Variants in TTLL12 observed in about 807,000 individuals in gnomAD.
The protein encoded by TTLL12 is tubulin--tyrosine ligase-like protein 12.
Under a neutral mutation model 79.6 loss-of-function variants are expected in TTLL12, and 77 were observed. The observed-to-expected ratio is 0.97, with a 90% CI of 0.81 to 1.17. The LOEUF (loss-of-function observed/expected upper bound fraction) is 1.17, where lower values mean the gene tolerates loss of function less well. Among genes scored for constraint, TTLL12 ranks in the 50% most tolerant of loss-of-function variants. The pLI, the probability that TTLL12 is intolerant of heterozygous loss-of-function variation, is 0.00. For missense variants in TTLL12, 969 were observed against 895.9 expected (o/e 1.08, Z -1.04); for synonymous variants, 437 against 376.1 (o/e 1.16, Z -1.87).
chr22:43,167,913 G>T lies in TTLL12; in HGVS notation c.*95C>A. 1 of 1,482,352 alleles carries T rather than the reference G, an allele frequency of 6.7e-7. No homozygotes were observed. 91.8% of individuals were successfully genotyped at this position (1,482,352 alleles called of 1,614,324 possible). ...TGGGGCTGAGGCTATGCCCAGGGCC[G>T]GTGTGGGGAGGGACATGGGGGCCTT... On this transcript the variant is annotated 3_prime_UTR_variant, in exon 14 of 14. Transcript: ENST00000216129.
At chr22:43,186,830 G>A in intron 1 of TTLL12, 63 bp downstream of exon 1, 2 of 1,227,080 alleles carry the variant, frequency 1.6e-6, no homozygotes, top group Admixed American at 4.4e-5. Flanking sequence ...CCTGTCCCGC[G>A]CCGCGGGCTC....
chr22:43,186,189 A>AAC (rs796737951), intron 1 of TTLL12, among the ~76,000 whole-genome samples: 1 of 82,140 alleles, frequency 1.2e-5, no homozygotes. Flanking sequence ...TAAAGAAAAC[A>AAC]CCCCCCCCCC....
At position 43,168,153 on chromosome 22, in the gene TTLL12, C is replaced by A; in HGVS notation, c.1790G>T (p.Arg597Leu). 6.2e-7 allele frequency: 1 copy of A among 1,614,008 alleles called. No homozygotes were observed. The highest frequency in any genetic ancestry group is 8.5e-7 in the Non-Finnish European group (1 of 1,179,936). Residue 597 changes from arginine to leucine, a missense_variant, in exon 14 of 14, where the codon CGG (arginine) becomes CTG (leucine). Physicochemically the swap from Arg to Leu is moderately radical, Grantham distance 102. Transcript: ENST00000216129. ...CTCCAGGATCTGCGGCTGCATCACCCGCCTTCCTGATGGCAAAGAGCGCAG... is the reference window on the plus strand; with the variant it reads ...CTCCAGGATCTGCGGCTGCATCACCAGCCTTCCTGATGGCAAAGAGCGCAG... ...LKWDNGPDGR[R>L]VMQPQILEVN...
Position 43,176,322 on chromosome 22 carries a change from G to C in TTLL12, c.915C>G (p.Phe305Leu). 1 of 1,593,434 alleles carries C rather than the reference G, an allele frequency of 6.3e-7. No homozygotes were observed. The highest frequency in any genetic ancestry group is 8.5e-7 in the Non-Finnish European group (1 of 1,170,568). The stretch of plus-strand genomic sequence containing the variant: ...AGCAGTGGGGGGGGGCTACGCACTT[G>C]AAGATGTGGCCGTGGGGGTGCACCA... The part of the protein sequence containing the change: ...NPVVHPHGHI[F>L]KVYTDVQQVA... Residue 305 changes from phenylalanine (F) to leucine (L), a missense_variant and splice_region_variant, in exon 6 of 14, where the codon TTC (phenylalanine) becomes TTG (leucine). Transcript: ENST00000216129.
rs776542606 is a variant in TTLL12 at position 43,174,550 on chromosome 22, C to T, written c.983G>A (p.Ser328Asn). The change falls in exon 7 of 14, where the codon AGT becomes AAT. Residue 328 changes from serine (S) to asparagine (N), a missense_variant. Coordinates refer to ENST00000216129, the MANE Select transcript of TTLL12 (RefSeq NM_015140.4). ...LTHPRFTLTQ[S>N]EADADILFNF... is the part of the protein sequence containing the mutation. ...GAAGAGGATGTCGGCGTCCGCCTCA[C>T]TCTGGGTGAGGGTGAAGCGCGGGTG... 4 of 1,613,496 alleles carry T rather than the reference C, an allele frequency of 2.5e-6. No homozygotes were observed. Among genetic ancestry groups the T allele is most frequent in the African/African-American group, 1.3e-5 (1 of 74,946 alleles).
Position 43,173,719 on chromosome 22 carries a change from G to C in TTLL12, c.1337C>G (p.Pro446Arg), listed in dbSNP as rs773231320. 1.2e-6 allele frequency: 2 copies of C among 1,601,406 alleles called. No individual in the cohort carries two copies. The highest frequency in any genetic ancestry group is 1.3e-5 in the African/African-American group (1 of 74,880). ...HSIIRHREST[P>R]KVVSKYIESP... ...CTCCTGGTCTGCGGGGCCCACCTTG[G>C]GGGTGCTCTCTCGGTGCCGGATGAT... The change falls in exon 9 of 14, where the codon CCC becomes CGC. Residue 446 changes from proline (P) to arginine (R), a missense_variant. Transcript: ENST00000216129.
At chr22:43,183,938 G>A (rs946060687) in intron 1 of TTLL12, among the ~76,000 whole-genome samples, 3 of 152,240 alleles carry the variant, frequency 2.0e-5, no homozygotes, top group East Asian at 1.9e-4. Context: ...TATCCCATGC[G>A]TGTTTCCTCA....
intron 3 of TTLL12, among the ~76,000 whole-genome samples, chr22:43,180,294 G>T (rs764961013): frequency 6.6e-6 from 1 of 152,134 alleles, no homozygotes; most frequent in Non-Finnish European, 1.5e-5. Flanking sequence ...GAGGGTAATG[G>T]GGGGGTCGGG....
intron 3 of TTLL12, among the ~76,000 whole-genome samples, chr22:43,180,461 T>C (rs11704053): frequency 0.086 from 13,063 of 151,790 alleles, 630 homozygotes; most frequent in Non-Finnish European, 0.11. Context: ...GGGTGAGGAA[T>C]GGTTGAGGGC....
chr22:43,180,373 A>C (rs955400043), intron 3 of TTLL12, among the ~76,000 whole-genome samples: 2 of 152,170 alleles, frequency 1.3e-5, no homozygotes, highest in Admixed American at 1.3e-4. Flanking sequence ...CATGAGAAAC[A>C]AGCAGGTGTC....
Position 43,167,471 on chromosome 22 carries a change from C to T in TTLL12, c.*537G>A, listed in dbSNP as rs933626405. On this transcript the variant is annotated 3_prime_UTR_variant, in exon 14 of 14. Coordinates refer to ENST00000216129, the MANE Select transcript of TTLL12 (RefSeq NM_015140.4). ...CCTCAGGCTGTTCCTGGGCCCCTGT[C>T]GCATAGAGCCCTGTGGGTGCAGTGT... 8 of 264,624 alleles carry T rather than the reference C, an allele frequency of 3.0e-5. No individual in the cohort carries two copies. In the East Asian group the frequency reaches 3.4e-4, roughly 11 times the overall value. The allele number at this position is 264,624 out of a possible 1,614,324, so 16.4% of individuals were successfully genotyped here. A position where few individuals can be genotyped will look rare whatever the true frequency, so the allele number is the denominator to read the frequency against.
At position 43,180,838 on chromosome 22, in the gene TTLL12, G is replaced by A; in HGVS notation, c.450C>T (p.Gly150=). 3 of 1,613,022 alleles carry A rather than the reference G, an allele frequency of 1.9e-6. No homozygotes were observed. The highest frequency in any genetic ancestry group is 2.5e-6 in the Non-Finnish European group (3 of 1,179,980). ...TGGGCAGCTCACCGTGGAACTCAAT[G>A]CCCATCAGGTTGGCCATGCGGTGCA... ...GLLHRMANLM[G]IEFHGELPST... The change falls in exon 3 of 14, where the codon GGC becomes GGT. Residue 150 remains glycine, a synonymous_variant. Coordinates refer to ENST00000216129, the MANE Select transcript of TTLL12 (RefSeq NM_015140.4).
In TTLL12 at chr22:43,167,353, G is replaced by A. The variant is rs1165689609; in HGVS notation, c.*655C>T. Reference sequence around the variant, plus strand: ...AACGAAAAGGAAACGGTAACAAGACGGTGGCCTCCTGCCAGGACCTCAGCA... The same window carrying A: ...AACGAAAAGGAAACGGTAACAAGACAGTGGCCTCCTGCCAGGACCTCAGCA... On this transcript the variant is annotated 3_prime_UTR_variant, in exon 14 of 14. Coordinates refer to ENST00000216129, the MANE Select transcript of TTLL12 (RefSeq NM_015140.4). 3.0e-6 allele frequency: 1 copy of A among 331,878 alleles called. No homozygotes were observed. The highest frequency in any genetic ancestry group is 9.4e-5 in the East Asian group (1 of 10,642). 20.6% of individuals were successfully genotyped at this position (331,878 alleles called of 1,614,324 possible).
intron 11 of TTLL12, 185 bp downstream of exon 11, chr22:43,171,634 C>T: frequency 1.8e-6 from 1 of 567,858 alleles, no homozygotes; most frequent in Non-Finnish European, 3.2e-6. Flanking sequence ...CTACCTGAGA[C>T]AACACAGAAC....
chr22:43,186,199 C>CCG (rs1555982141), intron 1 of TTLL12, among the ~76,000 whole-genome samples: 17 of 148,072 alleles, frequency 1.1e-4, no homozygotes, highest in Non-Finnish European at 1.7e-4. Context: ...ACCCCCCCCC[C>CCG]CGCCAGCCCG....
At chr22:43,169,387 G>A (rs1931703837) in intron 12 of TTLL12, 113 bp downstream of exon 12, 1 of 937,634 alleles carries the variant, frequency 1.1e-6, no homozygotes, top group East Asian at 2.6e-5. Flanking sequence ...AACTGCAGGG[G>A]ACAAAGGTCC....
rs1157037866 is a variant in TTLL12 at position 43,173,786 on chromosome 22, C to T, written c.1270G>A (p.Ala424Thr). ...NHWICKPWNL[A>T]RSLDTHVTKS... ...GTGACGTGGGTGTCCAGGCTGCGCG[C>T]CAGGTTCCAGGGCTTGCAGATCCAG... Residue 424 changes from alanine (A) to threonine (T), a missense_variant, in exon 9 of 14, where the codon GCG (alanine) becomes ACG (threonine). Ala to Thr is a moderately conservative substitution (Grantham distance 58). Transcript: ENST00000216129. The T allele has an allele frequency of 6.2e-7, 1 of 1,604,814 alleles. No homozygotes were observed. Among genetic ancestry groups the T allele is most frequent in the Non-Finnish European group, 8.5e-7 (1 of 1,179,940 alleles).
Position 43,168,065 on chromosome 22 carries a change from G to T in TTLL12, c.1878C>A (p.Val626=). 6.2e-7 allele frequency: 1 copy of T among 1,614,190 alleles called. No homozygotes were observed. Among genetic ancestry groups the T allele is most frequent in the Non-Finnish European group, 8.5e-7 (1 of 1,180,010 alleles). ...GCTGGTCCAGAAACAAGGTGCTGAA[G>T]ACGTCGTTGAAGAAGGTGGGGTGGT... The part of the protein sequence containing the change: ...CRYHPTFFND[V]FSTLFLDQPG... The change falls in exon 14 of 14, where the codon GTC becomes GTA. Residue 626 remains valine, a synonymous_variant. Transcript: ENST00000216129.
At chr22:43,181,442 A>G (rs34250964) in intron 2 of TTLL12, among the ~76,000 whole-genome samples, 13,015 of 152,314 alleles carry the variant, frequency 0.085, 631 homozygotes, top group Non-Finnish European at 0.11. Context: ...AGACGGCACA[A>G]GGGCTACCAC....
Sources: gnomAD v4.1 joint callset for allele counts (sites outside exome capture counted in the v4.1 genomes callset) on GRCh38, gnomAD v4.1.1 for gene constraint, MANE v1.5 for transcripts, NCBI Gene and HGNC (gene_info 2026-07-23, HGNC 2026-07-21) for gene names.